The following PRKCQ variants were observed in gnomAD, a reference collection of about 807,000 sequenced individuals.
The protein encoded by PRKCQ is protein kinase C theta type.
In PRKCQ, 41 loss-of-function variants were observed where a neutral mutation model predicts 91.2. The ratio of observed to expected loss-of-function variants is 0.45; its 90% CI spans 0.35 to 0.58. The LOEUF (loss-of-function observed/expected upper bound fraction) is 0.58, where lower values mean the gene tolerates loss of function less well. Among genes scored for constraint, PRKCQ ranks in the 20% least tolerant of loss-of-function variants. PRKCQ has a pLI of 0.00. For missense variants in PRKCQ, 673 were observed against 896.5 expected, an observed-to-expected ratio of 0.75 and a Z score of 3.18; for synonymous variants, 307 against 316.9, an observed-to-expected ratio of 0.97 and a Z score of 0.33.
chr10:6,528,410 G>A lies in PRKCQ; in HGVS notation c.-9-13266C>T, dbSNP rs147995649. ...TCATAGGCTGGGGTGGGGTGGGGGC[G>A]CATCCTCCTCGGTTGGCAGGGGTGA... is the stretch of plus-strand genomic sequence containing the variant. On this transcript the variant is annotated intron_variant, in intron 1 of 17. Transcript: ENST00000263125. Among the ~76,000 whole-genome samples, 879 of 152,206 alleles carry A rather than the reference G, an allele frequency of 5.8e-3. 9 individuals carry two copies. Among genetic ancestry groups the A allele is most frequent in the African/African-American group, 0.02 (831 of 41,518 alleles).
chr10:6,488,539 C>T (rs181813167), intron 8 of PRKCQ, among the ~76,000 whole-genome samples: 165 of 152,134 alleles, frequency 1.1e-3, no homozygotes, highest in African/African-American at 3.9e-3. Flanking sequence ...GCGCCCATCA[C>T]CACACCCAGC....
intron 1 of PRKCQ, among the ~76,000 whole-genome samples, chr10:6,547,206 C>T (rs1452416526): frequency 6.6e-6 from 1 of 152,120 alleles, no homozygotes; most frequent in South Asian, 2.1e-4. Context: ...AGGAGGACTA[C>T]AAACCACTGC....
chr10:6,447,024 T>A (rs1041813254), intron 15 of PRKCQ, among the ~76,000 whole-genome samples: 2 of 152,124 alleles, frequency 1.3e-5, no homozygotes, highest in African/African-American at 4.8e-5. Flanking sequence ...ACCAGTGTGG[T>A]TTCCAGGGAA....
At chr10:6,428,963 C>T (rs1039395974) in intron 17 of PRKCQ, among the ~76,000 whole-genome samples, 1 of 152,136 alleles carries the variant, frequency 6.6e-6, no homozygotes, top group Non-Finnish European at 1.5e-5. Context: ...AAAACCAAAA[C>T]CAAACCAAAC....
At chr10:6,577,994 T>C (rs757364588) in intron 1 of PRKCQ, among the ~76,000 whole-genome samples, 1 of 152,218 alleles carries the variant, frequency 6.6e-6, no homozygotes, top group Admixed American at 6.5e-5. Flanking sequence ...GAGAAGAATT[T>C]AGTCTTTTCC....
chr10:6,419,619 A>G, the PRKCQ span, among the ~76,000 whole-genome samples: 1 of 151,612 alleles, frequency 6.6e-6, no homozygotes, highest in African/African-American at 2.4e-5. Flanking sequence ...TTAATAAAAT[A>G]GTTATTAATA....
At chr10:6,492,321 T>C (rs1297770712) in intron 7 of PRKCQ, among the ~76,000 whole-genome samples, 2 of 152,176 alleles carry the variant, frequency 1.3e-5, no homozygotes, top group Non-Finnish European at 2.9e-5. Flanking sequence ...GAGAAGCATT[T>C]TCACACCTAT....
At chr10:6,420,628 T>C in the PRKCQ span, among the ~76,000 whole-genome samples, 2 of 152,234 alleles carry the variant, frequency 1.3e-5, no homozygotes, top group African/African-American at 4.8e-5. Context: ...GTCTCTATTA[T>C]ATTCTAACAT....
the PRKCQ span, among the ~76,000 whole-genome samples, chr10:6,396,602 A>G: frequency 6.6e-6 from 1 of 152,320 alleles, no homozygotes; most frequent in South Asian, 2.1e-4. Flanking sequence ...ATATTATACC[A>G]TGTAAGAGCA....
chr10:6,458,293 G>C (rs1835134396), intron 14 of PRKCQ, among the ~76,000 whole-genome samples: 1 of 152,158 alleles, frequency 6.6e-6, no homozygotes, highest in African/African-American at 2.4e-5. Context: ...TGTGAAGCCA[G>C]CCCCCCATGG....
At chr10:6,508,621 A>G (rs2130852383) in intron 3 of PRKCQ, among the ~76,000 whole-genome samples, 1 of 152,396 alleles carries the variant, frequency 6.6e-6, no homozygotes, top group South Asian at 2.1e-4. Context: ...TTGACATGGC[A>G]TGTATGCACC....
At chr10:6,524,589 G>A (rs1379632548) in intron 1 of PRKCQ, among the ~76,000 whole-genome samples, 2 of 152,180 alleles carry the variant, frequency 1.3e-5, no homozygotes, top group East Asian at 1.9e-4. Flanking sequence ...GGACAGGTAC[G>A]GGTAGACTTT....
chr10:6,413,600 ACACACAC>A, the PRKCQ span, among the ~76,000 whole-genome samples: 2 of 106,938 alleles, frequency 1.9e-5, no homozygotes, highest in Admixed American at 9.0e-5. Flanking sequence ...ACACACACAC[ACACACAC>A]TAGGAAGCAC....
intron 2 of PRKCQ, among the ~76,000 whole-genome samples, chr10:6,513,280 G>C (rs73607051): frequency 0.016 from 2,409 of 152,214 alleles, 72 homozygotes; most frequent in African/African-American, 0.056. Context: ...ATAATATTCA[G>C]AGTGATTTCT....
At chr10:6,419,682 CTCCTT>C in the PRKCQ span, among the ~76,000 whole-genome samples, 1 of 127,630 alleles carries the variant, frequency 7.8e-6, no homozygotes, top group Admixed American at 9.3e-5. Flanking sequence ...GAACTGAAAT[CTCCTT>C]TTTTTTTTTT....
chr10:6,540,217 T>C (rs1457160020), intron 1 of PRKCQ, among the ~76,000 whole-genome samples: 1 of 152,234 alleles, frequency 6.6e-6, no homozygotes, highest in East Asian at 1.9e-4. Context: ...ATAACCTTTT[T>C]ATTGTGGTAA....
At chr10:6,423,481 C>G (rs768872997), downstream of PRKCQ, among the ~76,000 whole-genome samples, 1 of 152,156 alleles carries the variant, frequency 6.6e-6, no homozygotes, top group Non-Finnish European at 1.5e-5. Context: ...GGCCTGCCGT[C>G]GGCTGGGGGC....
At chr10:6,510,923 T>C (rs1175567033) in intron 3 of PRKCQ, 72 bp downstream of exon 3, 1 of 1,565,794 alleles carries the variant, frequency 6.4e-7, no homozygotes, top group African/African-American at 1.4e-5. Context: ...CAGATTGACA[T>C]GGGAGTTCTG....
chr10:6,469,594 T>C (rs992230389), intron 12 of PRKCQ, among the ~76,000 whole-genome samples: 5 of 152,174 alleles, frequency 3.3e-5, no homozygotes, highest in Admixed American at 2.6e-4. Context: ...GTGAGTTGGA[T>C]TTGTGTTTAG....
Sources: allele counts gnomAD v4.1 joint callset (sites outside exome capture counted in the v4.1 genomes callset), GRCh38; gene constraint gnomAD v4.1.1; transcripts MANE v1.5; gene names NCBI Gene and HGNC (gene_info 2026-07-23, HGNC 2026-07-21).